Variants in ITPR2 observed in about 807,000 individuals in gnomAD.
The protein encoded by ITPR2 is inositol 1,4,5-trisphosphate receptor type 2.
Under a neutral mutation model 317.1 loss-of-function variants are expected in ITPR2, and 207 were observed. That is an observed-to-expected ratio of 0.65 (90% CI 0.58 to 0.73). The LOEUF (loss-of-function observed/expected upper bound fraction) is 0.73, where lower values mean the gene tolerates loss of function less well. Among genes scored for constraint, ITPR2 ranks in the 30% least tolerant of loss-of-function variants. The pLI, the probability that ITPR2 is intolerant of heterozygous loss-of-function variation, is 0.00. For synonymous variants in ITPR2, 1,156 were observed against 1,149.1 expected (o/e 1.01, Z -0.12); for missense variants, 2,613 against 3,284.0 (o/e 0.80, Z 4.99).
chr12:26,772,771 T>C (rs1949895357), intron 2 of ITPR2, among the ~76,000 whole-genome samples: 1 of 151,714 alleles, frequency 6.6e-6, no homozygotes, highest in Non-Finnish European at 1.5e-5. Flanking sequence ...ACTTCTGGGA[T>C]ACACGAGCAG....
intron 13 of ITPR2, among the ~76,000 whole-genome samples, chr12:26,670,005 C>G (rs889133315): frequency 6.6e-6 from 1 of 152,204 alleles, no homozygotes; most frequent in Non-Finnish European, 1.5e-5. Context: ...GAGGGGTGCC[C>G]GCCATTGCCC....
intron 1 of ITPR2, among the ~76,000 whole-genome samples, chr12:26,798,293 G>T (rs974718861): frequency 8.5e-5 from 13 of 152,164 alleles, no homozygotes; most frequent in African/African-American, 3.1e-4. Flanking sequence ...CCGCATTTTT[G>T]AAATGGGGCA....
intron 13 of ITPR2, among the ~76,000 whole-genome samples, chr12:26,669,877 C>T (rs889114312): frequency 2.6e-5 from 4 of 152,352 alleles, no homozygotes; most frequent in Admixed American, 1.3e-4. Context: ...GCTTAAAAAA[C>T]GGCGCACCAG....
chr12:26,450,241 T>C (rs1200940626), intron 45 of ITPR2, among the ~76,000 whole-genome samples: 1 of 152,142 alleles, frequency 6.6e-6, no homozygotes, highest in Non-Finnish European at 1.5e-5. Flanking sequence ...ATTGTGAACT[T>C]CCAAGTTGTG....
chr12:26,656,204 G>T, intron 19 of ITPR2, 93 bp downstream of exon 19: 1 of 1,469,644 alleles, frequency 6.8e-7, no homozygotes, highest in Non-Finnish European at 9.3e-7. Context: ...ATACACAAAT[G>T]CCTTTCCACA....
At chr12:26,453,283 A>G (rs1941785891) in intron 45 of ITPR2, among the ~76,000 whole-genome samples, 1 of 152,234 alleles carries the variant, frequency 6.6e-6, no homozygotes, top group Non-Finnish European at 1.5e-5. Flanking sequence ...ATACATCAAT[A>G]TTTTCTGAGC....
At chr12:26,481,498 T>C (rs1942544562) in intron 42 of ITPR2, among the ~76,000 whole-genome samples, 1 of 152,240 alleles carries the variant, frequency 6.6e-6, no homozygotes, top group South Asian at 2.1e-4. Context: ...ACTGTGTTTA[T>C]AGAATTTCAG....
rs1947359083 is a variant in ITPR2 at position 26,655,857 on chromosome 12, A to T, written c.2445-5T>A. The T allele has an allele frequency of 6.2e-7, 1 of 1,602,974 alleles. No individual in the cohort carries two copies. Among genetic ancestry groups the T allele is most frequent in the South Asian group, 1.1e-5 (1 of 89,690 alleles). ...GAGTCTGTTATAGAATCATATCTGG[A>T]AATAGAGAAAGAAGATAACGCAAGT... On this transcript the variant is annotated splice_polypyrimidine_tract_variant and splice_region_variant and intron_variant, in intron 19 of 56. Coordinates refer to ENST00000381340, the MANE Select transcript of ITPR2 (RefSeq NM_002223.4).
At chr12:26,678,744 G>C (rs553316132) in intron 13 of ITPR2, among the ~76,000 whole-genome samples, 1 of 152,248 alleles carries the variant, frequency 6.6e-6, no homozygotes, top group African/African-American at 2.4e-5. Flanking sequence ...CAAAACAGCA[G>C]GGAAAGAAGC....
intron 47 of ITPR2, among the ~76,000 whole-genome samples, chr12:26,437,947 G>A (rs184042584): frequency 0.21 from 32,100 of 151,684 alleles, 3,847 homozygotes; most frequent in East Asian, 0.41. Flanking sequence ...GACTACAGGT[G>A]CCTGCCACCA....
At chr12:26,500,257 C>T (rs1943039530) in intron 37 of ITPR2, among the ~76,000 whole-genome samples, 1 of 152,182 alleles carries the variant, frequency 6.6e-6, no homozygotes, top group African/African-American at 2.4e-5. Flanking sequence ...ACTGCAGAAT[C>T]ATTGTCAGAA....
At chr12:26,537,746 C>T (rs923235547) in intron 37 of ITPR2, among the ~76,000 whole-genome samples, 9 of 152,122 alleles carry the variant, frequency 5.9e-5, no homozygotes, top group African/African-American at 2.2e-4. Context: ...GTAATATAGT[C>T]TATATTGAGT....
intron 37 of ITPR2, among the ~76,000 whole-genome samples, chr12:26,495,853 C>G (rs547014378): frequency 1.3e-5 from 2 of 152,088 alleles, no homozygotes; most frequent in Admixed American, 1.3e-4. Context: ...GGGAACAGAG[C>G]AGGTACTCAA....
At chr12:26,691,302 T>C (rs1043115921) in intron 10 of ITPR2, among the ~76,000 whole-genome samples, 12 of 152,230 alleles carry the variant, frequency 7.9e-5, no homozygotes, top group African/African-American at 2.9e-4. Flanking sequence ...CTTTTGTTTA[T>C]AAACTCACAT....
At chr12:26,362,645 T>C (rs1591963610) in intron 55 of ITPR2, among the ~76,000 whole-genome samples, 1 of 152,192 alleles carries the variant, frequency 6.6e-6, no homozygotes, top group East Asian at 1.9e-4. Context: ...TTTAACACCG[T>C]CCTCATAAAC....
At chr12:26,417,801 GTAT>G (rs1158913884) in intron 50 of ITPR2, among the ~76,000 whole-genome samples, 1 of 151,770 alleles carries the variant, frequency 6.6e-6, no homozygotes, top group Admixed American at 6.6e-5. Flanking sequence ...GAGCACAAAA[GTAT>G]TATAAACTCA....
chr12:26,512,189 A>T (rs1018266913), intron 37 of ITPR2, among the ~76,000 whole-genome samples: 30 of 22,650 alleles, frequency 1.3e-3, no homozygotes, highest in African/African-American at 7.3e-4. Flanking sequence ...AAAGATAAAA[A>T]AAAAAAAAAA....
intron 26 of ITPR2, among the ~76,000 whole-genome samples, chr12:26,614,353 C>T (rs547997653): frequency 6.6e-6 from 1 of 152,028 alleles, no homozygotes; most frequent in Non-Finnish European, 1.5e-5. Context: ...AAACCCAAAA[C>T]TCCTGCCTTA....
At chr12:26,756,395 C>G (rs1949520231) in intron 2 of ITPR2, among the ~76,000 whole-genome samples, 1 of 152,154 alleles carries the variant, frequency 6.6e-6, no homozygotes. Context: ...GGCTAGCAAA[C>G]CCATATCAGC....
Sources: allele counts gnomAD v4.1 joint callset (sites outside exome capture counted in the v4.1 genomes callset), GRCh38; gene constraint gnomAD v4.1.1; transcripts MANE v1.5; gene names NCBI Gene and HGNC (gene_info 2026-07-23, HGNC 2026-07-21).